The following ADGRB3 variants were observed in gnomAD, a reference collection of about 807,000 sequenced individuals.
ADGRB3 encodes adhesion G protein-coupled receptor B3, also known as brain-specific angiogenesis inhibitor 3.
A neutral mutation model predicts 193.4 loss-of-function variants in ADGRB3; 37 were observed. The observed-to-expected ratio is 0.19, with a 90% confidence interval of 0.15 to 0.25. ADGRB3 has a LOEUF of 0.25. ADGRB3 is among the 10% of genes least tolerant of loss of function. The probability of loss-of-function intolerance (pLI) is 1.00; values close to 1 mark genes in which losing one functional copy is unlikely to be tolerated. For synonymous variants in ADGRB3, 690 were observed against 644.2 expected (o/e 1.07, Z -1.08); for missense variants, 1,637 against 1,852.9 (o/e 0.88, Z 2.14).
chr6:68,659,648 G>A (rs1768577935), intron 3 of ADGRB3, among the ~76,000 whole-genome samples: 1 of 150,742 alleles, frequency 6.6e-6, no homozygotes, highest in African/African-American at 2.4e-5. Flanking sequence ...TTTAAAAGTT[G>A]TATTTAAATT....
At chr6:69,059,130 G>T (rs1244960469) in intron 15 of ADGRB3, among the ~76,000 whole-genome samples, 2 of 151,642 alleles carry the variant, frequency 1.3e-5, no homozygotes, top group Non-Finnish European at 2.9e-5. Flanking sequence ...CACATGTTTG[G>T]GTGCTATGAC....
chr6:68,865,342 A>ACTTGT (rs1225652195), intron 3 of ADGRB3, among the ~76,000 whole-genome samples: 1 of 152,116 alleles, frequency 6.6e-6, no homozygotes. Flanking sequence ...CCAAGCACAA[A>ACTTGT]CTTATCCAAG....
intron 17 of ADGRB3, among the ~76,000 whole-genome samples, chr6:69,193,347 T>A (rs1561948202): frequency 1.3e-5 from 2 of 152,098 alleles, no homozygotes; most frequent in South Asian, 4.1e-4. Context: ...AAACAAAAAC[T>A]TTTTTGTGAT....
At chr6:68,986,764 G>C (rs1182572498) in intron 10 of ADGRB3, among the ~76,000 whole-genome samples, 1 of 152,172 alleles carries the variant, frequency 6.6e-6, no homozygotes. Context: ...ATACCTTGCA[G>C]ATGGGCTGTA....
At chr6:69,239,852 T>C (rs1375585108) in intron 20 of ADGRB3, among the ~76,000 whole-genome samples, 1 of 152,060 alleles carries the variant, frequency 6.6e-6, no homozygotes, top group African/African-American at 2.4e-5. Flanking sequence ...CCCCCAGAAA[T>C]GATTGTCTTT....
intron 20 of ADGRB3, among the ~76,000 whole-genome samples, chr6:69,315,175 G>T (rs1348512552): frequency 3.3e-5 from 5 of 151,366 alleles, no homozygotes; most frequent in African/African-American, 1.2e-4. Flanking sequence ...ATTAATATTA[G>T]AAAATGAGAA....
intron 5 of ADGRB3, among the ~76,000 whole-genome samples, chr6:68,941,675 AGGAGGAGAAAAGGTTTTTAAAATT>A: frequency 7.0e-6 from 1 of 143,474 alleles, no homozygotes; most frequent in African/African-American, 3.0e-5. Context: ...TTTTTAAAAT[AGGAGGAGAAAAGGTTTTTAAAATT>A]GGAGGAGAAA....
chr6:68,769,764 T>G (rs963969782), intron 3 of ADGRB3, among the ~76,000 whole-genome samples: 3 of 152,162 alleles, frequency 2.0e-5, no homozygotes, highest in African/African-American at 7.2e-5. Flanking sequence ...CTTTTTTATT[T>G]CTTCCTAAAC....
At chr6:68,886,497 A>G (rs1461730288) in intron 3 of ADGRB3, among the ~76,000 whole-genome samples, 2 of 152,126 alleles carry the variant, frequency 1.3e-5, no homozygotes, top group Non-Finnish European at 2.9e-5. Context: ...ATTCACTAAC[A>G]GCTTTCCAAT....
At chr6:69,049,655 T>C (rs1771336812) in intron 15 of ADGRB3, among the ~76,000 whole-genome samples, 1 of 152,130 alleles carries the variant, frequency 6.6e-6, no homozygotes, top group Non-Finnish European at 1.5e-5. Flanking sequence ...AATGGGTCAT[T>C]GTAAAATTGA....
At chr6:69,184,851 A>G (rs1283198799) in intron 17 of ADGRB3, among the ~76,000 whole-genome samples, 5 of 152,070 alleles carry the variant, frequency 3.3e-5, no homozygotes, top group Admixed American at 3.3e-4. Flanking sequence ...CACAAAACTT[A>G]CTTGCCGATT....
chr6:69,327,380 A>C (rs1016263264), intron 21 of ADGRB3, among the ~76,000 whole-genome samples: 1 of 152,176 alleles, frequency 6.6e-6, no homozygotes, highest in East Asian at 1.9e-4. Flanking sequence ...TTTCTGTCTT[A>C]TTATAAGTAC....
chr6:68,945,690 A>G (rs1351731219), intron 6 of ADGRB3, among the ~76,000 whole-genome samples: 1 of 152,140 alleles, frequency 6.6e-6, no homozygotes, highest in Non-Finnish European at 1.5e-5. Flanking sequence ...AAATACAAAC[A>G]TAAAAATGGC....
intron 3 of ADGRB3, among the ~76,000 whole-genome samples, chr6:68,861,028 A>C (rs1473615145): frequency 6.6e-6 from 1 of 152,162 alleles, no homozygotes; most frequent in African/African-American, 2.4e-5. Context: ...ATCTTGCACC[A>C]CAGATGGATC....
intron 4 of ADGRB3, among the ~76,000 whole-genome samples, chr6:68,934,038 G>A (rs1400736590): frequency 1.3e-5 from 2 of 151,902 alleles, no homozygotes; most frequent in African/African-American, 2.4e-5. Flanking sequence ...TCTCACAATG[G>A]CCTAATGTGC....
At chr6:69,248,370 A>T (rs1368153331) in intron 20 of ADGRB3, among the ~76,000 whole-genome samples, 1 of 152,216 alleles carries the variant, frequency 6.6e-6, no homozygotes, top group Non-Finnish European at 1.5e-5. Flanking sequence ...AGCCCTTGAG[A>T]TAAGATTACA....
At chr6:68,717,058 A>T (rs1765500942) in intron 3 of ADGRB3, among the ~76,000 whole-genome samples, 1 of 151,538 alleles carries the variant, frequency 6.6e-6, no homozygotes, top group African/African-American at 2.4e-5. Context: ...TTCAAGTTCT[A>T]CTCAAGAATG....
At chr6:68,687,529 AT>A (rs1195493572) in intron 3 of ADGRB3, among the ~76,000 whole-genome samples, 1 of 152,152 alleles carries the variant, frequency 6.6e-6, no homozygotes, top group Non-Finnish European at 1.5e-5. Flanking sequence ...TTGTGTCTAA[AT>A]TTTGGAAATG....
chr6:68,917,853 A>C (rs1469003622), intron 3 of ADGRB3, among the ~76,000 whole-genome samples: 1 of 152,224 alleles, frequency 6.6e-6, no homozygotes, highest in Non-Finnish European at 1.5e-5. Context: ...CATGCTTCAA[A>C]AATGCAATCA....
Sources: gnomAD v4.1 joint callset for allele counts (sites outside exome capture counted in the v4.1 genomes callset) on GRCh38, gnomAD v4.1.1 for gene constraint, MANE v1.5 for transcripts, NCBI Gene and HGNC (gene_info 2026-07-23, HGNC 2026-07-21) for gene names.